Variants in PRKN observed in about 807,000 individuals in gnomAD.
The protein encoded by PRKN is E3 ubiquitin-protein ligase parkin.
PRKN carries 56 observed loss-of-function variants against 59.5 expected under a neutral mutation model. The ratio of observed to expected loss-of-function variants is 0.94; its 90% CI spans 0.76 to 1.18. The LOEUF (loss-of-function observed/expected upper bound fraction) is 1.18, where lower values mean the gene tolerates loss of function less well. PRKN is among the 50% of genes most tolerant of loss of function. The pLI is 0.00. For missense variants in PRKN, 657 were observed against 596.4 expected (o/e 1.10, Z -1.06); for synonymous variants, 250 against 222.1 (o/e 1.13, Z -1.12).
At chr6:162,013,523 A>T (rs1027672399) in intron 5 of PRKN, among the ~76,000 whole-genome samples, 13 of 152,278 alleles carry the variant, frequency 8.5e-5, no homozygotes, top group Non-Finnish European at 1.9e-4. Context: ...TTGCTTCCAG[A>T]TATTCTCAAA....
chr6:162,622,578 C>T (rs1484992941), intron 1 of PRKN, among the ~76,000 whole-genome samples: 1 of 152,110 alleles, frequency 6.6e-6, no homozygotes, highest in African/African-American at 2.4e-5. Context: ...GTATCGGTTG[C>T]CCTTTTCATT....
intron 1 of PRKN, among the ~76,000 whole-genome samples, chr6:162,484,424 G>T (rs1024303241): frequency 1.3e-5 from 2 of 152,132 alleles, no homozygotes; most frequent in Non-Finnish European, 2.9e-5. Context: ...AGTTGATACT[G>T]TAACTAGATA....
At chr6:162,202,392 T>C (rs1784768156) in intron 3 of PRKN, among the ~76,000 whole-genome samples, 2 of 152,208 alleles carry the variant, frequency 1.3e-5, no homozygotes, top group Non-Finnish European at 2.9e-5. Context: ...TTCCTAATAC[T>C]GTAGGTGACA....
intron 7 of PRKN, among the ~76,000 whole-genome samples, chr6:161,775,067 G>A (rs550722019): frequency 8.1e-4 from 124 of 152,208 alleles, no homozygotes; most frequent in African/African-American, 2.8e-3. Context: ...CTGTTTCAGC[G>A]AGGCAGGCAA....
chr6:162,037,034 C>T (rs1385059502), intron 5 of PRKN, among the ~76,000 whole-genome samples: 2 of 152,040 alleles, frequency 1.3e-5, no homozygotes, highest in Middle Eastern at 6.8e-3. Context: ...TGCAAAGTAA[C>T]CATACTGACA....
intron 4 of PRKN, among the ~76,000 whole-genome samples, chr6:162,087,500 G>T (rs73014603): frequency 0.07 from 10,599 of 151,738 alleles, 507 homozygotes; most frequent in African/African-American, 0.12. Flanking sequence ...CCTACTTTAC[G>T]CTAGGCACTG....
rs990813413 is a variant in PRKN, at chr6:161,554,488, T to C, written c.934-5485A>G. On this transcript the variant is annotated intron_variant, in intron 8 of 11. Transcript: ENST00000366898. This position sits in a 1 kb window ranked among gnomAD's most constrained non-coding sequence, Gnocchi z 4.5. ...GATGGTTGATGTTTTCCCAGTAATTTTGATTGCTTGAATCTTGTTCTCTAG... is the reference window on the plus strand; with the variant it reads ...GATGGTTGATGTTTTCCCAGTAATTCTGATTGCTTGAATCTTGTTCTCTAG... Among the ~76,000 whole-genome samples, 1 of 151,834 alleles carries C rather than the reference T, an allele frequency of 6.6e-6. No homozygotes were observed. The highest frequency in any genetic ancestry group is 1.5e-5 in the Non-Finnish European group (1 of 67,974).
chr6:162,377,956 G>A lies in PRKN; in HGVS notation c.171+65354C>T, dbSNP rs148767611. On this transcript the variant is annotated intron_variant, in intron 2 of 11. Transcript: ENST00000366898. ...CAAAGCATCATGTGCTTGGGAGAACGCCTAGTAAAACAAGAGGATCCCAGT... is the reference window on the plus strand; with the variant it reads ...CAAAGCATCATGTGCTTGGGAGAACACCTAGTAAAACAAGAGGATCCCAGT... 2.6e-5 allele frequency among the ~76,000 whole-genome samples: 4 copies of A among 152,260 alleles called. No individual in the cohort carries two copies. The East Asian group carries it at 7.7e-4, about 29-fold the overall frequency.
At chr6:161,896,075 G>A (rs1777616094) in intron 6 of PRKN, among the ~76,000 whole-genome samples, 1 of 152,174 alleles carries the variant, frequency 6.6e-6, no homozygotes, top group Admixed American at 6.5e-5. Context: ...GGGTGAAGCA[G>A]GGCAGGTGTG....
chr6:162,174,296 C>G (rs1783432119), intron 4 of PRKN, among the ~76,000 whole-genome samples: 1 of 152,128 alleles, frequency 6.6e-6, no homozygotes, highest in Admixed American at 6.6e-5. Context: ...ACACTTTGTT[C>G]CCTTCCATCA....
chr6:162,675,454 A>T (rs559113437), intron 1 of PRKN, among the ~76,000 whole-genome samples: 1 of 152,316 alleles, frequency 6.6e-6, no homozygotes, highest in South Asian at 2.1e-4. Flanking sequence ...GTGGATTGAG[A>T]GGTCATCTGT....
intron 7 of PRKN, among the ~76,000 whole-genome samples, chr6:161,635,509 A>G (rs1209600818): frequency 1.3e-5 from 2 of 152,232 alleles, no homozygotes; most frequent in Non-Finnish European, 2.9e-5. Flanking sequence ...CATTCATGTG[A>G]GAGGCAATCT....
intron 6 of PRKN, among the ~76,000 whole-genome samples, chr6:161,898,986 A>C (rs897959479): frequency 2.6e-5 from 4 of 152,244 alleles, no homozygotes; most frequent in African/African-American, 7.2e-5. Context: ...AGTCAAGGGC[A>C]AAAGGGCAGG....
chr6:162,540,297 T>C (rs188787055), intron 1 of PRKN, among the ~76,000 whole-genome samples: 6 of 152,218 alleles, frequency 3.9e-5, no homozygotes, highest in Admixed American at 3.3e-4. Flanking sequence ...TGGTGTGATC[T>C]CAGCTCGCTG....
At chr6:161,476,105 T>A (rs939589612) in intron 9 of PRKN, among the ~76,000 whole-genome samples, 1 of 150,832 alleles carries the variant, frequency 6.6e-6, no homozygotes, top group East Asian at 1.9e-4. Context: ...GAGAATGGTG[T>A]GGACCCGGGA....
chr6:162,494,992 A>G (rs919644859), intron 1 of PRKN, among the ~76,000 whole-genome samples: 1 of 152,120 alleles, frequency 6.6e-6, no homozygotes, highest in Non-Finnish European at 1.5e-5. Flanking sequence ...CAAACTGGAA[A>G]CCATTGATTT....
At chr6:161,962,540 C>CT (rs567987319) in intron 6 of PRKN, among the ~76,000 whole-genome samples, 2,282 of 136,132 alleles carry the variant, frequency 0.017, 61 homozygotes, top group African/African-American at 0.047. Context: ...AATGTAGCAC[C>CT]TTTTTTTTTT....
intron 1 of PRKN, among the ~76,000 whole-genome samples, chr6:162,600,262 G>A (rs1332736970): frequency 3.9e-5 from 6 of 152,052 alleles, no homozygotes; most frequent in African/African-American, 1.2e-4. Flanking sequence ...CTTTCAACCA[G>A]CATAGGGTTT....
intron 6 of PRKN, among the ~76,000 whole-genome samples, chr6:161,961,965 C>T (rs1239478640): frequency 1.3e-5 from 2 of 152,054 alleles, no homozygotes; most frequent in Non-Finnish European, 2.9e-5. Flanking sequence ...ATTCCACTTC[C>T]GGTGCACAGA....
Sources: gnomAD v4.1 joint callset for allele counts (sites outside exome capture counted in the v4.1 genomes callset) on GRCh38, gnomAD v4.1.1 for gene constraint, Gnocchi (gnomAD v3.1) non-coding constraint, MANE v1.5 for transcripts, NCBI Gene and HGNC (gene_info 2026-07-23, HGNC 2026-07-21) for gene names.